Variants in RSPH14 observed in about 807,000 individuals in gnomAD.
RSPH14 encodes rhabdoid tumor deletion region gene 1.
In RSPH14, 20 loss-of-function variants were observed where a neutral mutation model predicts 26.7. The ratio of observed to expected loss-of-function variants is 0.75; its 90% confidence interval spans 0.53 to 1.09. The LOEUF (loss-of-function observed/expected upper bound fraction) is 1.09. RSPH14 is among the 50% of genes least tolerant of loss of function. The pLI, the probability that RSPH14 is intolerant of heterozygous loss-of-function variation, is 0.00. For synonymous variants in RSPH14, 177 were observed against 189.3 expected (o/e 0.93, Z 0.53); for missense variants, 449 against 457.2 (o/e 0.98, Z 0.16).
chr22:23,170,109 A>AG, the RSPH14 span, among the ~76,000 whole-genome samples: 1 of 146,688 alleles, frequency 6.8e-6, no homozygotes, highest in Non-Finnish European at 1.5e-5. Context: ...AAAAAAAAAA[A>AG]GCAAAAAAAG....
chr22:23,069,387 A>G (rs1026315371), intron 4 of RSPH14, among the ~76,000 whole-genome samples: 2 of 152,234 alleles, frequency 1.3e-5, no homozygotes, highest in African/African-American at 4.8e-5. Flanking sequence ...GAGAGACAGG[A>G]GCATTCATGT....
chr22:23,115,848 C>T (rs1352327587), intron 4 of RSPH14, among the ~76,000 whole-genome samples: 1 of 152,250 alleles, frequency 6.6e-6, no homozygotes, highest in Non-Finnish European at 1.5e-5. Context: ...GTTTTCCTAG[C>T]AGAGTTACTC....
intron 4 of RSPH14, among the ~76,000 whole-genome samples, chr22:23,107,664 A>C (rs540761758): frequency 6.6e-6 from 1 of 152,186 alleles, no homozygotes; most frequent in Non-Finnish European, 1.5e-5. Context: ...AAGCACCGGA[A>C]CCCACCAAGG....
intron 4 of RSPH14, among the ~76,000 whole-genome samples, chr22:23,077,565 G>A (rs773603778): frequency 7.2e-5 from 11 of 152,278 alleles, no homozygotes; most frequent in East Asian, 1.9e-4. Context: ...GTGCTAAACC[G>A]TGTGGTTTCA....
At chr22:23,083,046 G>A (rs943037875) in intron 4 of RSPH14, among the ~76,000 whole-genome samples, 1 of 152,170 alleles carries the variant, frequency 6.6e-6, no homozygotes, top group African/African-American at 2.4e-5. Context: ...CAGGGAAGTT[G>A]GGAGAGTGAA....
the RSPH14 span, among the ~76,000 whole-genome samples, chr22:23,168,020 A>AT: frequency 6.6e-4 from 99 of 150,170 alleles, no homozygotes; most frequent in East Asian, 1.6e-3. Context: ...CTAATTTTTA[A>AT]TTTTTTTTTT....
chr22:23,174,798 G>A, the RSPH14 span, among the ~76,000 whole-genome samples: 10 of 151,654 alleles, frequency 6.6e-5, no homozygotes, highest in East Asian at 1.6e-3. Flanking sequence ...GAGAAACCCC[G>A]TTTCTACTAA....
At chr22:23,153,276 C>A in the RSPH14 span, 1 of 685,214 alleles carries the variant, frequency 1.5e-6, no homozygotes, top group African/African-American at 1.8e-5. Context: ...TGACACTTAG[C>A]TTCCTGGCTC....
chr22:23,140,155 G>C, intron 2 of RSPH14, 67 bp downstream of exon 2: 1 of 1,591,456 alleles, frequency 6.3e-7, no homozygotes, highest in Admixed American at 1.7e-5. Context: ...TATTACTGAA[G>C]TTCTACCCAG....
Position 23,070,222 on chromosome 22 carries a change from A to AGGTGCCCGGCGCGT in RSPH14, c.422-6103_422-6090dup, listed in dbSNP as rs1008803228. The AGGTGCCCGGCGCGT allele has an allele frequency of 2.7e-3, 412 of 150,532 alleles. 1 individual carries two copies. Among genetic ancestry groups the AGGTGCCCGGCGCGT allele is most frequent in the African/African-American group, 8.9e-3 (364 of 41,118 alleles). The allele number at this position is 150,532 out of a possible 1,614,324, so 9.3% of individuals were successfully genotyped here. A position where few individuals can be genotyped will look rare whatever the true frequency, so the allele number is the denominator to read the frequency against. On this transcript the variant is annotated intron_variant, in intron 4 of 6. Transcript: ENST00000216036. ...AGGGCCGGCGCTCGTGGCGGGGCGG[A>AGGTGCCCGGCGCGT]GGTGCCCGGCGCGTGGTGCCCGGCG... is the stretch of plus-strand genomic sequence containing the variant.
chr22:23,170,869 T>TG, the RSPH14 span, among the ~76,000 whole-genome samples: 1 of 152,090 alleles, frequency 6.6e-6, no homozygotes, highest in East Asian at 1.9e-4. Context: ...CACTTAGAGA[T>TG]GGGGTCTGAC....
chr22:23,063,539 G>A (rs1315713931), intron 5 of RSPH14, among the ~76,000 whole-genome samples: 2 of 152,184 alleles, frequency 1.3e-5, no homozygotes, highest in Non-Finnish European at 2.9e-5. Flanking sequence ...CCTCCCTGGA[G>A]GGTCGCCTAA....
At chr22:23,167,843 G>A in the RSPH14 span, among the ~76,000 whole-genome samples, 1 of 151,750 alleles carries the variant, frequency 6.6e-6, no homozygotes, top group Non-Finnish European at 1.5e-5. Context: ...ACTGCACCTG[G>A]CTTCATTGAC....
At chr22:23,070,459 G>A (rs2068327084) in intron 4 of RSPH14, 1 of 149,040 alleles carries the variant, frequency 6.7e-6, no homozygotes, top group Admixed American at 6.7e-5. Context: ...CCGCGTGGGC[G>A]CCGCTGCCCG....
intron 5 of RSPH14, among the ~76,000 whole-genome samples, chr22:23,062,836 G>A (rs575572390): frequency 6.6e-6 from 1 of 152,320 alleles, no homozygotes; most frequent in Non-Finnish European, 1.5e-5. Flanking sequence ...GGGATTCCCC[G>A]ATTTGTTCAC....
chr22:23,100,614 G>A (rs1458456314), intron 4 of RSPH14, among the ~76,000 whole-genome samples: 1 of 152,200 alleles, frequency 6.6e-6, no homozygotes, highest in African/African-American at 2.4e-5. Context: ...CCCACTCCAG[G>A]GCAGGTCAGC....
chr22:23,133,458 G>A (rs1396753140), intron 4 of RSPH14, among the ~76,000 whole-genome samples: 1 of 152,206 alleles, frequency 6.6e-6, no homozygotes, highest in African/African-American at 2.4e-5. Context: ...TACCCAGTAT[G>A]GGCATGTGGG....
intron 4 of RSPH14, among the ~76,000 whole-genome samples, chr22:23,119,492 T>C (rs1389726543): frequency 6.6e-6 from 1 of 152,230 alleles, no homozygotes; most frequent in Non-Finnish European, 1.5e-5. Context: ...AAACCCACGA[T>C]GCAGCTCCTG....
At chr22:23,097,473 C>T (rs2069159355) in intron 4 of RSPH14, among the ~76,000 whole-genome samples, 1 of 152,230 alleles carries the variant, frequency 6.6e-6, no homozygotes, top group African/African-American at 2.4e-5. Context: ...CCTCAGGCAG[C>T]TGGGGAGGCG....
Sources: gnomAD v4.1 joint callset for allele counts (sites outside exome capture counted in the v4.1 genomes callset) on GRCh38, gnomAD v4.1.1 for gene constraint, MANE v1.5 for transcripts, NCBI Gene and HGNC (gene_info 2026-07-23, HGNC 2026-07-21) for gene names.